The following GASK1B variants were observed in gnomAD, a reference collection of about 807,000 sequenced individuals.
GASK1B encodes the protein Golgi-associated kinase 1B.
Under a neutral mutation model 42.8 loss-of-function variants are expected in GASK1B, and 34 were observed. The ratio of observed to expected loss-of-function variants is 0.79; its 90% CI spans 0.60 to 1.06. The LOEUF (loss-of-function observed/expected upper bound fraction) is 1.06. GASK1B is among the 50% of genes least tolerant of loss of function. The probability of loss-of-function intolerance (pLI) is 0.00; values close to 1 mark genes in which losing one functional copy is unlikely to be tolerated. For missense variants in GASK1B, 686 were observed against 661.0 expected, an observed-to-expected ratio of 1.04 and a Z score of -0.42; for synonymous variants, 262 against 259.1, an observed-to-expected ratio of 1.01 and a Z score of -0.11.
At chr4:158,161,141 A>G (rs1731979592) in intron 2 of GASK1B, among the ~76,000 whole-genome samples, 1 of 152,158 alleles carries the variant, frequency 6.6e-6, no homozygotes, top group African/African-American at 2.4e-5. Context: ...GATTTGAAGA[A>G]GCCTAAAAAA....
At chr4:158,148,344 A>C (rs943463768) in intron 3 of GASK1B, among the ~76,000 whole-genome samples, 1 of 152,232 alleles carries the variant, frequency 6.6e-6, no homozygotes, top group African/African-American at 2.4e-5. Context: ...CACTTCCCAC[A>C]GTTGGTAAGA....
intron 2 of GASK1B, among the ~76,000 whole-genome samples, chr4:158,159,885 A>C (rs890345191): frequency 6.6e-6 from 1 of 152,160 alleles, no homozygotes; most frequent in Admixed American, 6.6e-5. Context: ...AGATTTATTA[A>C]ATGCCCTTCA....
chr4:158,167,981 A>G (rs188174071), intron 2 of GASK1B, among the ~76,000 whole-genome samples: 269 of 152,286 alleles, frequency 1.8e-3, no homozygotes, highest in African/African-American at 6.0e-3. Flanking sequence ...CATGACCAGA[A>G]GTGGTCTATT....
chr4:158,159,026 T>G (rs1013372924), intron 2 of GASK1B, among the ~76,000 whole-genome samples: 1 of 152,138 alleles, frequency 6.6e-6, no homozygotes. Context: ...ACATTTTCTA[T>G]ACTAATCATT....
At chr4:158,155,867 G>A in intron 2 of GASK1B, 42 bp from the exon 3 acceptor site, 1 of 1,552,992 alleles carries the variant, frequency 6.4e-7, no homozygotes, top group Non-Finnish European at 8.9e-7. Context: ...GCACACTATT[G>A]ACTCAGGGTG....
intron 2 of GASK1B, among the ~76,000 whole-genome samples, chr4:158,156,242 T>A (rs571953016): frequency 2.0e-5 from 3 of 152,278 alleles, no homozygotes; most frequent in Non-Finnish European, 4.4e-5. Flanking sequence ...ATAACAACTG[T>A]CTGATTTTCT....
At chr4:158,127,814 A>G (rs1730520357) in intron 4 of GASK1B, among the ~76,000 whole-genome samples, 200 bp from the exon 5 acceptor site, 1 of 152,160 alleles carries the variant, frequency 6.6e-6, no homozygotes, top group Admixed American at 6.6e-5. Context: ...AGTGAACTGA[A>G]TATTCTACAC....
intron 3 of GASK1B, 77 bp from the exon 4 acceptor site, chr4:158,131,089 A>G: frequency 7.9e-7 from 1 of 1,266,810 alleles, no homozygotes; most frequent in South Asian, 1.4e-5. Context: ...TTCAAAGATC[A>G]GTGCTTTCTG....
At chr4:158,135,925 T>C (rs537539444) in intron 3 of GASK1B, among the ~76,000 whole-genome samples, 2 of 152,194 alleles carry the variant, frequency 1.3e-5, no homozygotes, top group South Asian at 4.1e-4. Context: ...AATAAGTGTA[T>C]TTGGCCAGTG....
chr4:158,170,348 C>T, intron 2 of GASK1B, 118 bp downstream of exon 2: 1 of 1,614,082 alleles, frequency 6.2e-7, no homozygotes, highest in Non-Finnish European at 8.5e-7. Flanking sequence ...GCTGCTGCTG[C>T]TGTCCAAATG....
intron 3 of GASK1B, among the ~76,000 whole-genome samples, chr4:158,137,890 T>C (rs1413299921): frequency 6.6e-6 from 1 of 152,210 alleles, no homozygotes; most frequent in Non-Finnish European, 1.5e-5. Context: ...GTAAAAATAG[T>C]CTGCAATATA....
In GASK1B at chr4:158,125,898, T is replaced by A. The variant is rs75933945; in HGVS notation, c.*1509A>T. ...CAATTGTATCAATTAGATCTATAGA[T>A]TTTTTTTTTCAAATCTAGCCTCTAT... On this transcript the variant is annotated 3_prime_UTR_variant, in exon 5 of 5. Coordinates refer to ENST00000585682, the MANE Select transcript of GASK1B (RefSeq NM_001128424.2). 6.7e-6 allele frequency: 1 copy of A among 149,708 alleles called. No homozygotes were observed. The highest frequency in any genetic ancestry group is 1.5e-5 in the Non-Finnish European group (1 of 67,536). The allele number at this position is 149,708 out of a possible 1,614,324, so 9.3% of individuals were successfully genotyped here. A position where few individuals can be genotyped will look rare whatever the true frequency, so the allele number is the denominator to read the frequency against.
chr4:158,127,699 G>A (rs921051714), intron 4 of GASK1B, 85 bp from the exon 5 acceptor site: 42 of 1,204,998 alleles, frequency 3.5e-5, no homozygotes, highest in East Asian at 2.8e-4. Context: ...TCATTAATCT[G>A]TCATAAATCA....
chr4:158,138,884 T>C (rs1731008780), intron 3 of GASK1B, among the ~76,000 whole-genome samples: 1 of 152,194 alleles, frequency 6.6e-6, no homozygotes, highest in African/African-American at 2.4e-5. Context: ...GTTAAACTTT[T>C]CTTAAAAATT....
intron 3 of GASK1B, among the ~76,000 whole-genome samples, chr4:158,133,030 T>A (rs751908971): frequency 1.6e-4 from 24 of 152,232 alleles, no homozygotes; most frequent in Non-Finnish European, 2.6e-4. Context: ...GAGAACTTTA[T>A]TGAGCCCTTT....
intron 3 of GASK1B, among the ~76,000 whole-genome samples, chr4:158,147,433 G>A (rs7655528): frequency 0.018 from 2,790 of 151,850 alleles, 71 homozygotes; most frequent in African/African-American, 0.062. Context: ...GTGAGACTCC[G>A]TCTCTATTGA....
intron 3 of GASK1B, among the ~76,000 whole-genome samples, chr4:158,148,712 C>T (rs1731426355): frequency 6.6e-6 from 1 of 152,088 alleles, no homozygotes; most frequent in Admixed American, 6.6e-5. Context: ...GAGAAAGGCC[C>T]TCCCACCCCA....
chr4:158,153,182 A>C (rs1225054977), intron 3 of GASK1B, among the ~76,000 whole-genome samples: 1 of 152,196 alleles, frequency 6.6e-6, no homozygotes. Flanking sequence ...TACACAAATC[A>C]GTAGCTCTGC....
Position 158,128,870 on chromosome 4 carries a change from G to A in GASK1B, c.1353-1256C>T, listed in dbSNP as rs542985750. Reference sequence around the variant, plus strand: ...TAGGGCCTCAACTTTAGGGGCTCTAGTATTAAGTAGCATTTTTGCTTTATG... The same window carrying A: ...TAGGGCCTCAACTTTAGGGGCTCTAATATTAAGTAGCATTTTTGCTTTATG... On this transcript the variant is annotated intron_variant, in intron 4 of 4. Coordinates refer to ENST00000585682, the MANE Select transcript of GASK1B (RefSeq NM_001128424.2). 3.9e-5 allele frequency among the ~76,000 whole-genome samples: 6 copies of A among 152,334 alleles called. No individual in the cohort carries two copies. In the South Asian group the frequency reaches 1.2e-3, roughly 32 times the overall value.
Sources: gnomAD v4.1 joint callset for allele counts (sites outside exome capture counted in the v4.1 genomes callset) on GRCh38, gnomAD v4.1.1 for gene constraint, MANE v1.5 for transcripts, NCBI Gene and HGNC (gene_info 2026-07-23, HGNC 2026-07-21) for gene names.